ZFHX3: variants seen among roughly 807,000 people sequenced by gnomAD.
ZFHX3 encodes zinc finger homeobox protein 3.
ZFHX3 carries 42 observed loss-of-function variants against 279.1 expected under a neutral mutation model. That is an observed-to-expected ratio of 0.15 (90% CI 0.12 to 0.19). ZFHX3 has a LOEUF of 0.19. ZFHX3 is among the 10% of genes least tolerant of loss of function. ZFHX3 has a pLI of 1.00. For synonymous variants in ZFHX3, 2,293 were observed against 1,957.8 expected (o/e 1.17, Z -4.52); for missense variants, 4,981 against 4,754.0 (o/e 1.05, Z -1.40).
intron 1 of ZFHX3, among the ~76,000 whole-genome samples, chr16:73,682,022 G>C (rs910164143): frequency 1.3e-5 from 2 of 149,460 alleles, no homozygotes; most frequent in Non-Finnish European, 2.9e-5. Flanking sequence ...TTAACGGAAT[G>C]TCTGACGCAT....
intron 2 of ZFHX3, among the ~76,000 whole-genome samples, chr16:73,490,769 C>T (rs575740499): frequency 4.2e-4 from 64 of 152,146 alleles, no homozygotes; most frequent in Non-Finnish European, 4.3e-4. Flanking sequence ...CCCAGGAGGT[C>T]GATGCTACAG....
chr16:73,885,345 T>C (rs2030311345), intron 1 of ZFHX3, among the ~76,000 whole-genome samples: 1 of 152,228 alleles, frequency 6.6e-6, no homozygotes, highest in Admixed American at 6.6e-5. Context: ...TTCATGATTA[T>C]AGCCCGATCT....
At chr16:73,883,355 G>A (rs1194444843) in intron 1 of ZFHX3, among the ~76,000 whole-genome samples, 2 of 152,156 alleles carry the variant, frequency 1.3e-5, no homozygotes, top group African/African-American at 4.8e-5. Context: ...CTCCAGGAAT[G>A]AGTTTAGCTG....
rs752001880 is a variant in ZFHX3 at position 73,507,485 on chromosome 16, C to CTTTTT, written c.-1546-51232_-1546-51228dup. On this transcript the variant is annotated intron_variant, in intron 2 of 17. Coordinates refer to the ZFHX3 transcript ENST00000641206. ...AAATGCGTGAAATTCAGCTCTGCCA[C>CTTTTT]TTTTTTTTTTTTTTTTTTTTTTTTT... Among the ~76,000 whole-genome samples, 39 of 79,790 alleles carry CTTTTT rather than the reference C, an allele frequency of 4.9e-4. 3 individuals are homozygous for CTTTTT. The highest frequency in any genetic ancestry group is 1.2e-3 in the African/African-American group (20 of 16,274). 52.3% of individuals were successfully genotyped at this position (79,790 alleles called of 152,430 possible).
chr16:73,192,868 A>T (rs1968073275), intron 5 of ZFHX3, among the ~76,000 whole-genome samples: 1 of 152,174 alleles, frequency 6.6e-6, no homozygotes, highest in East Asian at 1.9e-4. Flanking sequence ...GACTGGCCCA[A>T]CAGGGAAGAG....
rs571523577 is a variant in ZFHX3, at chr16:73,811,547, C to T, written c.-1608+80104G>A. On this transcript the variant is annotated intron_variant, in intron 1 of 17. Transcript: ENST00000641206. ...GTAACCTCTGCCTCCCAGGTTCAAG[C>T]GATTCTCCTGCCTCAGCCTCTGGAG... Among the ~76,000 whole-genome samples the T allele has an allele frequency of 7.4e-5, 11 of 149,628 alleles. No homozygotes were observed. The South Asian group carries it at 2.1e-3, about 29-fold the overall frequency.
intron 2 of ZFHX3, among the ~76,000 whole-genome samples, chr16:73,640,354 G>A (rs897525343): frequency 1.3e-5 from 2 of 152,024 alleles, no homozygotes; most frequent in Admixed American, 1.3e-4. Flanking sequence ...CCTTGCTCTC[G>A]AACACAGCAA....
chr16:73,355,755 CTA>C (rs1054469066), intron 3 of ZFHX3, among the ~76,000 whole-genome samples: 28 of 152,214 alleles, frequency 1.8e-4, no homozygotes, highest in African/African-American at 6.8e-4. Context: ...ACATCTCAGA[CTA>C]TGTACAAAGG....
intron 2 of ZFHX3, among the ~76,000 whole-genome samples, chr16:73,619,522 CTGTA>C (rs2052338079): frequency 7.1e-6 from 1 of 141,812 alleles, no homozygotes; most frequent in South Asian, 2.1e-4. Flanking sequence ...ATATATATGT[CTGTA>C]AGCTATCAGC....
chr16:73,299,010 A>G (rs1374911348), intron 4 of ZFHX3, among the ~76,000 whole-genome samples: 1 of 152,222 alleles, frequency 6.6e-6, no homozygotes, highest in Non-Finnish European at 1.5e-5. Context: ...GAAGTTCCAG[A>G]AAAGGGTGTT....
chr16:73,358,001 C>G, intron 3 of ZFHX3, among the ~76,000 whole-genome samples: 1 of 152,230 alleles, frequency 6.6e-6, no homozygotes, highest in East Asian at 1.9e-4. Flanking sequence ...GAGCATCTTG[C>G]TGCTCCGTGA....
At chr16:73,859,875 G>T (rs965032385) in intron 1 of ZFHX3, among the ~76,000 whole-genome samples, 2 of 152,206 alleles carry the variant, frequency 1.3e-5, no homozygotes, top group African/African-American at 4.8e-5. Context: ...TGGAAATGAA[G>T]ATAACATCCG....
In ZFHX3 at chr16:72,796,379, C is replaced by T. The variant is rs1456428565; in HGVS notation, c.6303G>A (p.Met2101Ile). 1 of 1,613,634 alleles carries T rather than the reference C, an allele frequency of 6.2e-7. No individual in the cohort carries two copies. Among genetic ancestry groups the T allele is most frequent in the Non-Finnish European group, 8.5e-7 (1 of 1,180,012 alleles). The part of the protein sequence containing the change: ...PMELPIFSPL[M>I]MQTMPLQTLP... The stretch of plus-strand genomic sequence containing the variant: ...AGGTCTGCAGCGGCATCGTCTGCAT[C>T]ATCAGCGGCGAGAAGATGGGCAGCT... Residue 2101 changes from methionine to isoleucine, a missense_variant, in exon 9 of 10, where the codon ATG becomes ATA. Met to Ile is a conservative substitution (Grantham distance 10). Coordinates refer to ENST00000268489, the MANE Select transcript of ZFHX3 (RefSeq NM_006885.4).
At chr16:73,058,627 CG>C (rs1447605958) in exon 1 of ZFHX3, 3 of 229,216 alleles carry the variant, frequency 1.3e-5, no homozygotes, top group Non-Finnish European at 2.5e-5. Flanking sequence ...AAGAGGCGCT[CG>C]GGCCGCGGAG....
chr16:73,339,218 G>A (rs886609935), intron 3 of ZFHX3, among the ~76,000 whole-genome samples: 1 of 152,206 alleles, frequency 6.6e-6, no homozygotes. Context: ...TGAATGTAGA[G>A]CTTTTCTCCT....
At chr16:72,911,464 T>C (rs879681829) in intron 3 of ZFHX3, among the ~76,000 whole-genome samples, 11 of 152,178 alleles carry the variant, frequency 7.2e-5, no homozygotes, top group Non-Finnish European at 1.6e-4. Flanking sequence ...TCGGAAAACT[T>C]ACCTTCCTAA....
chr16:72,896,467 A>C (rs1487646334), intron 3 of ZFHX3, among the ~76,000 whole-genome samples: 1 of 152,168 alleles, frequency 6.6e-6, no homozygotes. Context: ...GCTGGCGCGT[A>C]ACACCAAGCA....
intron 3 of ZFHX3, among the ~76,000 whole-genome samples, chr16:73,354,418 T>C (rs1477053930): frequency 2.0e-5 from 3 of 152,106 alleles, no homozygotes; most frequent in African/African-American, 7.2e-5. Flanking sequence ...AAATCCAAAG[T>C]TTTAAGTGCC....
intron 4 of ZFHX3, among the ~76,000 whole-genome samples, chr16:73,276,118 C>T (rs566030046): frequency 2.2e-4 from 33 of 151,208 alleles, no homozygotes; most frequent in African/African-American, 7.8e-4. Context: ...GTTGGTTGTG[C>T]TGTTTGTTTA....
Sources: gnomAD v4.1 joint callset for allele counts (sites outside exome capture counted in the v4.1 genomes callset) on GRCh38, gnomAD v4.1.1 for gene constraint, MANE v1.5 for transcripts, NCBI Gene and HGNC (gene_info 2026-07-23, HGNC 2026-07-21) for gene names.